The following ARL15 variants were observed in gnomAD, a reference collection of about 807,000 sequenced individuals.
ARL15 encodes ARF like GTPase 15, also known as ADP-ribosylation factor-like protein 15.
In ARL15, 19 loss-of-function variants were observed where a neutral mutation model predicts 25.2. That is an observed-to-expected ratio of 0.75 (90% confidence interval 0.53 to 1.10). The LOEUF is 1.10. ARL15 is among the 50% of genes least tolerant of loss of function. The pLI, the probability that ARL15 is intolerant of heterozygous loss-of-function variation, is 0.00. For synonymous variants in ARL15, 94 were observed against 86.8 expected, an observed-to-expected ratio of 1.08 and a Z score of -0.46; for missense variants, 220 against 246.0, an observed-to-expected ratio of 0.89 and a Z score of 0.71.
chr5:54,114,744 A>G (rs1752850637), intron 3 of ARL15, among the ~76,000 whole-genome samples: 1 of 152,184 alleles, frequency 6.6e-6, no homozygotes, highest in Admixed American at 6.5e-5. Flanking sequence ...AGGCATAGGC[A>G]CTTCCCATTA....
Position 54,061,759 on chromosome 5 carries a change from A to T in ARL15, c.462+51443T>A, listed in dbSNP as rs560133142. On this transcript the variant is annotated intron_variant, in intron 4 of 4. Coordinates refer to ENST00000504924, the MANE Select transcript of ARL15 (RefSeq NM_019087.3). ...TCTGCTAGGGCAGTGCAGAAGGGAA[A>T]TGTGGGCTTGGAGTCCCCACACAGA... Among the ~76,000 whole-genome samples the T allele has an allele frequency of 5.3e-5, 8 of 152,300 alleles. No homozygotes were observed. In the South Asian group the frequency reaches 1.7e-3, roughly 32 times the overall value.
chr5:53,889,214 G>T (rs960889152), intron 4 of ARL15, among the ~76,000 whole-genome samples: 1 of 152,044 alleles, frequency 6.6e-6, no homozygotes, highest in African/African-American at 2.4e-5. Flanking sequence ...ATACGGAATT[G>T]ATCCCGGTAG....
intron 4 of ARL15, among the ~76,000 whole-genome samples, chr5:53,918,098 T>C (rs972472145): frequency 2.6e-5 from 4 of 152,168 alleles, no homozygotes; most frequent in Non-Finnish European, 4.4e-5. Context: ...TGCCCAAGTG[T>C]ATAACTACTA....
In ARL15 at chr5:54,012,815, C is replaced by T. The variant is rs1041869230; in HGVS notation, c.462+100387G>A. ...CTGGGATTATAGGTGTGAGCCACCACGCTGGACTCTTTTTTTTTTTTTAGA... is the reference window on the plus strand; with the variant it reads ...CTGGGATTATAGGTGTGAGCCACCATGCTGGACTCTTTTTTTTTTTTTAGA... On this transcript the variant is annotated intron_variant, in intron 4 of 4. Transcript: ENST00000504924. 4.1e-5 allele frequency among the ~76,000 whole-genome samples: 6 copies of T among 146,210 alleles called. 1 individual carries two copies. The highest frequency in any genetic ancestry group is 4.5e-4 in the South Asian group (2 of 4,494).
intron 4 of ARL15, among the ~76,000 whole-genome samples, chr5:53,893,773 G>A (rs1394950359): frequency 6.6e-6 from 1 of 152,170 alleles, no homozygotes; most frequent in Non-Finnish European, 1.5e-5. Context: ...GTCAGAGAAA[G>A]CCATGCCCAC....
intron 4 of ARL15, among the ~76,000 whole-genome samples, chr5:53,959,775 C>T (rs755715932): frequency 1.3e-5 from 2 of 152,130 alleles, no homozygotes; most frequent in Non-Finnish European, 2.9e-5. Flanking sequence ...ATTCCTCCTC[C>T]CTCCTCACTC....
intron 1 of ARL15, among the ~76,000 whole-genome samples, chr5:54,222,968 C>T (rs1302200154): frequency 4.0e-5 from 6 of 148,514 alleles, no homozygotes; most frequent in Admixed American, 2.7e-4. Flanking sequence ...TACAGGCACG[C>T]GTCACTATGC....
intron 4 of ARL15, among the ~76,000 whole-genome samples, chr5:54,078,689 C>T (rs1751691221): frequency 1.7e-5 from 2 of 117,406 alleles, no homozygotes; most frequent in African/African-American, 6.4e-5. Context: ...ATTGACTGAA[C>T]ATTTCCTAAA....
At chr5:54,219,660 G>A (rs923833143) in intron 1 of ARL15, among the ~76,000 whole-genome samples, 2 of 151,878 alleles carry the variant, frequency 1.3e-5, no homozygotes, top group East Asian at 1.9e-4. Flanking sequence ...AAGAGGCACT[G>A]GTCACAAAAA....
At chr5:54,167,755 C>G (rs893990354) in intron 2 of ARL15, among the ~76,000 whole-genome samples, 1 of 152,064 alleles carries the variant, frequency 6.6e-6, no homozygotes, top group African/African-American at 2.4e-5. Context: ...CTTTTTCTGT[C>G]CACCTTCTTG....
At chr5:54,035,419 A>C (rs1750137253) in intron 4 of ARL15, among the ~76,000 whole-genome samples, 1 of 152,222 alleles carries the variant, frequency 6.6e-6, no homozygotes, top group Non-Finnish European at 1.5e-5. Flanking sequence ...TTAGAATAAA[A>C]CACATATCCT....
intron 1 of ARL15, among the ~76,000 whole-genome samples, chr5:54,232,413 G>A (rs911766197): frequency 6.6e-6 from 1 of 152,174 alleles, no homozygotes; most frequent in Non-Finnish European, 1.5e-5. Context: ...AAGGGAAGGA[G>A]AGACCAGAGT....
At chr5:53,906,393 G>GAT (rs1745251113) in intron 4 of ARL15, among the ~76,000 whole-genome samples, 1 of 152,066 alleles carries the variant, frequency 6.6e-6, no homozygotes, top group Non-Finnish European at 1.5e-5. Context: ...CATGACCACT[G>GAT]GCCCTGTACA....
chr5:53,963,727 G>A (rs1747446335), intron 4 of ARL15, among the ~76,000 whole-genome samples: 1 of 151,656 alleles, frequency 6.6e-6, no homozygotes, highest in Admixed American at 6.6e-5. Flanking sequence ...AAAATCCCTT[G>A]AACCTGGGAG....
At chr5:54,269,619 C>T (rs941996919) in intron 1 of ARL15, among the ~76,000 whole-genome samples, 1 of 152,130 alleles carries the variant, frequency 6.6e-6, no homozygotes, top group African/African-American at 2.4e-5. Context: ...TTTTTATTTA[C>T]ACAACATAGA....
chr5:54,142,665 G>T (rs192111832), intron 3 of ARL15, among the ~76,000 whole-genome samples: 1 of 152,036 alleles, frequency 6.6e-6, no homozygotes. Flanking sequence ...TCCGGGAGTT[G>T]TTAGGAGGCC....
intron 4 of ARL15, among the ~76,000 whole-genome samples, chr5:53,973,500 G>A (rs1433362318): frequency 6.6e-6 from 1 of 151,672 alleles, no homozygotes; most frequent in Non-Finnish European, 1.5e-5. Context: ...CTTGAACCCG[G>A]GAGGCAGAGG....
intron 4 of ARL15, among the ~76,000 whole-genome samples, chr5:53,920,152 C>T (rs965713995): frequency 1.3e-5 from 2 of 152,104 alleles, no homozygotes; most frequent in African/African-American, 4.8e-5. Flanking sequence ...CTGAACAATC[C>T]TTCCTTCCCG....
chr5:54,222,539 A>G (rs961406629), intron 1 of ARL15, among the ~76,000 whole-genome samples: 1 of 152,240 alleles, frequency 6.6e-6, no homozygotes, highest in African/African-American at 2.4e-5. Flanking sequence ...GCAATAAATC[A>G]AAGCTATGCT....
Sources: allele counts gnomAD v4.1 joint callset (sites outside exome capture counted in the v4.1 genomes callset), GRCh38; gene constraint gnomAD v4.1.1; transcripts MANE v1.5; gene names NCBI Gene and HGNC (gene_info 2026-07-23, HGNC 2026-07-21).